The following BBS4 variants were observed in gnomAD, a reference collection of about 807,000 sequenced individuals.
BBS4 encodes the protein Bardet-Biedl syndrome 4.
Under a neutral mutation model 71.4 loss-of-function variants are expected in BBS4, and 58 were observed. That is an observed-to-expected ratio of 0.81 (90% CI 0.66 to 1.01). The LOEUF is 1.01. BBS4 is among the 50% of genes least tolerant of loss of function. The probability of loss-of-function intolerance (pLI) is 0.00; values close to 1 mark genes in which losing one functional copy is unlikely to be tolerated. For missense variants in BBS4, 660 were observed against 607.9 expected, an observed-to-expected ratio of 1.09 and a Z score of -0.90; for synonymous variants, 228 against 216.8, an observed-to-expected ratio of 1.05 and a Z score of -0.46.
chr15:72,732,643 A>G (rs545143109), intron 12 of BBS4, among the ~76,000 whole-genome samples: 2 of 152,162 alleles, frequency 1.3e-5, no homozygotes, highest in South Asian at 2.1e-4. Context: ...AAAAAAAAAC[A>G]TAGGTTTTAT....
chr15:72,708,769 A>G (rs2065311258), intron 2 of BBS4, among the ~76,000 whole-genome samples: 1 of 152,158 alleles, frequency 6.6e-6, no homozygotes, highest in African/African-American at 2.4e-5. Flanking sequence ...GAGGAGGTCT[A>G]TAGGGCATGT....
chr15:72,723,852 A>C (rs542740911), intron 7 of BBS4, among the ~76,000 whole-genome samples: 1 of 152,340 alleles, frequency 6.6e-6, no homozygotes, highest in South Asian at 2.1e-4. Context: ...TCAGGGGAAA[A>C]GAAGGATTTG....
At chr15:72,720,657 G>A (rs1489785413) in intron 6 of BBS4, among the ~76,000 whole-genome samples, 1 of 152,140 alleles carries the variant, frequency 6.6e-6, no homozygotes, top group African/African-American at 2.4e-5. Flanking sequence ...GACAAGTGAG[G>A]AAGCTAAGGC....
At chr15:72,686,824 A>T in intron 1 of BBS4, 1 of 336,882 alleles carries the variant, frequency 3.0e-6, no homozygotes, top group South Asian at 2.3e-5. Context: ...ATATATCTAT[A>T]ATTGGATCTA....
chr15:72,724,538 A>G lies in BBS4; in HGVS notation c.470A>G (p.Gln157Arg). 6.2e-7 allele frequency: 1 copy of G among 1,614,046 alleles called. No individual in the cohort carries two copies. The highest frequency in any genetic ancestry group is 8.5e-7 in the Non-Finnish European group (1 of 1,179,928). ...YLKQFNKAQD[Q>R]LHNALNLNRH... ...TGTTAAACTTGTCAGGCACAAGACCAGTTGCACAATGCCCTGAATCTTAAT... is the reference window on the plus strand; with the variant it reads ...TGTTAAACTTGTCAGGCACAAGACCGGTTGCACAATGCCCTGAATCTTAAT... Residue 157 changes from glutamine to arginine, a missense_variant, in exon 8 of 16, where the codon CAG becomes CGG. Physicochemically the swap from Gln to Arg is conservative, Grantham distance 43. Coordinates refer to ENST00000268057, the MANE Select transcript of BBS4 (RefSeq NM_033028.5).
intron 5 of BBS4, among the ~76,000 whole-genome samples, chr15:72,716,025 A>G (rs190923924): frequency 7.1e-4 from 108 of 152,352 alleles, no homozygotes; most frequent in Non-Finnish European, 7.3e-4. Context: ...TAGGAACTCC[A>G]TGGAACAGAG....
chr15:72,735,983 C>T lies in BBS4; in HGVS notation c.1248+17C>T. The T allele has an allele frequency of 6.2e-7, 1 of 1,613,938 alleles. No homozygotes were observed. The highest frequency in any genetic ancestry group is 1.1e-5 in the South Asian group (1 of 91,062). ...GACTCTGAGGTATGTCTTTTATTAG[C>T]TCCCAAGAGTCATAAGTAAGCTCTC... On this transcript the variant is annotated intron_variant, in intron 14 of 15. Transcript: ENST00000268057.
chr15:72,695,822 T>A (rs558666835), intron 2 of BBS4, among the ~76,000 whole-genome samples: 1 of 152,336 alleles, frequency 6.6e-6, no homozygotes, highest in East Asian at 1.9e-4. Flanking sequence ...CAGGTATCTT[T>A]TTGCTTTGTT....
At chr15:72,737,095 A>T (rs1268947078) in intron 15 of BBS4, 132 bp downstream of exon 15, 1 of 1,143,372 alleles carries the variant, frequency 8.7e-7, no homozygotes, top group Non-Finnish European at 1.3e-6. Context: ...CAAGGGGAGA[A>T]AAAAAACACA....
intron 1 of BBS4, among the ~76,000 whole-genome samples, chr15:72,687,134 T>TTTTTTTTTTTTTTTTTTTTTTG (rs60080079): frequency 7.1e-6 from 1 of 140,478 alleles, no homozygotes; most frequent in African/African-American, 2.6e-5. Flanking sequence ...CTTTTTTTTT[T>TTTTTTTTTTTTTTTTTTTTTTG]GAGACGGAGT....
At chr15:72,728,221 T>G (rs1312775711) in intron 9 of BBS4, among the ~76,000 whole-genome samples, 1 of 152,182 alleles carries the variant, frequency 6.6e-6, no homozygotes, top group African/African-American at 2.4e-5. Context: ...TTATCTAGGC[T>G]GGGTGTGGTC....
chr15:72,689,780 T>TTTTATTTATTTATTTATTTATTTA (rs57141334), intron 1 of BBS4, among the ~76,000 whole-genome samples: 1 of 147,594 alleles, frequency 6.8e-6, no homozygotes, highest in Admixed American at 6.7e-5. Flanking sequence ...TTATAAATCT[T>TTTTATTTATTTATTTATTTATTTA]TTTATTTATT....
chr15:72,689,968 G>T (rs186576607), intron 1 of BBS4, among the ~76,000 whole-genome samples: 7 of 151,974 alleles, frequency 4.6e-5, no homozygotes, highest in Admixed American at 4.6e-4. Context: ...CTGCCACCAC[G>T]CCCAGCTAAT....
chr15:72,731,602 G>C lies in BBS4; in HGVS notation c.912G>C (p.Trp304Cys). 6.2e-7 allele frequency: 1 copy of C among 1,614,148 alleles called. No individual in the cohort carries two copies. Among genetic ancestry groups the C allele is most frequent in the Non-Finnish European group, 8.5e-7 (1 of 1,180,036 alleles). Residue 304 changes from tryptophan (W) to cysteine (C), a missense_variant, in exon 12 of 16, where the codon TGG becomes TGC. Physicochemically the swap from Trp to Cys is radical, Grantham distance 215. Transcript: ENST00000268057. ...CCAACTACTTGGCACCCTTTGATTG[G>C]AAGATTCTGTATAATTTGGGCCTTG... ...KRANYLAPFD[W>C]KILYNLGLVH...
intron 2 of BBS4, chr15:72,704,400 A>G (rs1255220306): frequency 7.9e-7 from 1 of 1,266,582 alleles, no homozygotes; most frequent in South Asian, 1.2e-5. Flanking sequence ...GAAAGCATAT[A>G]AGAACCAGTA....
intron 9 of BBS4, among the ~76,000 whole-genome samples, chr15:72,728,705 A>G (rs188720108): frequency 6.6e-6 from 1 of 152,246 alleles, no homozygotes; most frequent in East Asian, 1.9e-4. Flanking sequence ...TATCTAGAAT[A>G]AGAAGTTTTC....
intron 14 of BBS4, 84 bp from the exon 15 acceptor site, chr15:72,736,678 C>G (rs1308969071): frequency 1.5e-6 from 2 of 1,340,772 alleles, no homozygotes; most frequent in Admixed American, 3.7e-5. Context: ...TCAGCTAAAA[C>G]CCCAGCTCGA....
intron 6 of BBS4, among the ~76,000 whole-genome samples, chr15:72,719,131 C>G (rs540851083): frequency 1.3e-5 from 2 of 152,126 alleles, no homozygotes; most frequent in South Asian, 4.1e-4. Flanking sequence ...GGAAGCCCTG[C>G]ATTCTCTATG....
chr15:72,716,899 T>G, intron 6 of BBS4, 49 bp downstream of exon 6: 2 of 1,304,802 alleles, frequency 1.5e-6, no homozygotes, highest in South Asian at 1.2e-5. Context: ...TTGCTAATGG[T>G]TCCATTTATC....
Sources: allele counts gnomAD v4.1 joint callset (sites outside exome capture counted in the v4.1 genomes callset), GRCh38; gene constraint gnomAD v4.1.1; transcripts MANE v1.5; gene names NCBI Gene and HGNC (gene_info 2026-07-23, HGNC 2026-07-21).